The following WDR49 variants were observed in gnomAD, a reference collection of about 807,000 sequenced individuals.
WDR49 encodes the protein WD repeat domain 49.
In WDR49, 107 loss-of-function variants were observed where a neutral mutation model predicts 119.5. The ratio of observed to expected loss-of-function variants is 0.90; its 90% CI spans 0.77 to 1.05. The LOEUF is 1.05. Ranked by LOEUF, WDR49 falls within the 50% of genes least tolerant of loss-of-function variation. The probability of loss-of-function intolerance (pLI) is 0.00; values close to 1 mark genes in which losing one functional copy is unlikely to be tolerated. For missense variants in WDR49, 1,240 were observed against 1,220.5 expected (o/e 1.02, Z -0.24); for synonymous variants, 425 against 418.8 (o/e 1.01, Z -0.18).
intron 18 of WDR49, among the ~76,000 whole-genome samples, chr3:167,495,556 A>C (rs528057312): frequency 6.8e-6 from 1 of 147,074 alleles, no homozygotes; most frequent in East Asian, 1.9e-4. Context: ...TTTGTGATAT[A>C]ATTAAACAGT....
rs145881743 is a variant in WDR49 at position 167,548,855 on chromosome 3, A to T, written c.1823+5795T>A. ...TATCCCTCCCCTCTCCCTCCACCCC[A>T]CAACAGGCCCCAGTGTGTGATGTTC... On this transcript the variant is annotated intron_variant, in intron 10 of 18. Transcript: ENST00000682715. 7.2e-3 allele frequency among the ~76,000 whole-genome samples: 1,093 copies of T among 151,874 alleles called. 16 individuals carry two copies. Among genetic ancestry groups the T allele is most frequent in the African/African-American group, 0.025 (1,031 of 41,410 alleles).
intron 7 of WDR49, among the ~76,000 whole-genome samples, chr3:167,599,559 T>G (rs992942919): frequency 6.6e-6 from 1 of 152,192 alleles, no homozygotes; most frequent in Non-Finnish European, 1.5e-5. Flanking sequence ...ACCCGCTTGG[T>G]GCTCTATCTC....
chr3:167,579,613 G>A (rs1714434962), intron 7 of WDR49, among the ~76,000 whole-genome samples: 1 of 151,850 alleles, frequency 6.6e-6, no homozygotes, highest in African/African-American at 2.4e-5. Flanking sequence ...GGGTTTTCTT[G>A]CCAAAGATTT....
chr3:167,531,481 C>T (rs1448920264), intron 12 of WDR49, among the ~76,000 whole-genome samples: 2 of 152,066 alleles, frequency 1.3e-5, no homozygotes, highest in East Asian at 1.9e-4. Flanking sequence ...TTTTGTTTTT[C>T]ATGTTCCATA....
chr3:167,545,250 A>T (rs571035174), intron 10 of WDR49, among the ~76,000 whole-genome samples: 23 of 151,940 alleles, frequency 1.5e-4, no homozygotes, highest in African/African-American at 5.5e-4. Context: ...TGCTGGTGGT[A>T]ATGTAAACTA....
intron 2 of WDR49, chr3:167,633,361 C>A: frequency 2.3e-6 from 1 of 432,584 alleles, no homozygotes; most frequent in Non-Finnish European, 4.6e-6. Flanking sequence ...TCCTCAAAGG[C>A]ACAAATAGAA....
chr3:167,562,265 G>A (rs1213077398), intron 8 of WDR49, among the ~76,000 whole-genome samples: 1 of 152,138 alleles, frequency 6.6e-6, no homozygotes, highest in Non-Finnish European at 1.5e-5. Flanking sequence ...AACAAACTGG[G>A]GTTTTGGGAG....
At chr3:167,515,809 C>T (rs573458993) in intron 16 of WDR49, among the ~76,000 whole-genome samples, 33 of 152,234 alleles carry the variant, frequency 2.2e-4, no homozygotes, top group African/African-American at 7.2e-4. Context: ...AAACAATGTG[C>T]AAAAATCACA....
At chr3:167,582,137 G>A (rs1275112714) in intron 7 of WDR49, among the ~76,000 whole-genome samples, 1 of 151,418 alleles carries the variant, frequency 6.6e-6, no homozygotes, top group Admixed American at 6.6e-5. Flanking sequence ...CACACAAATG[G>A]ATAGCATACT....
chr3:167,536,782 G>T lies in WDR49; in HGVS notation c.1954+88C>A, dbSNP rs1036065789. The stretch of plus-strand genomic sequence containing the variant: ...ATATATATATATATAAAACAACTGA[G>T]AAAAAGCTTTTCTAAAGGTGAGTGA... On this transcript the variant is annotated intron_variant, in intron 11 of 18. Transcript: ENST00000682715. 10 of 1,125,512 alleles carry T rather than the reference G, an allele frequency of 8.9e-6. No homozygotes were observed. In the African/African-American group the frequency reaches 1.5e-4, roughly 17 times the overall value. 69.7% of individuals were successfully genotyped at this position (1,125,512 alleles called of 1,614,324 possible).
At chr3:167,484,937 C>A (rs192880713) in intron 18 of WDR49, among the ~76,000 whole-genome samples, 1 of 152,180 alleles carries the variant, frequency 6.6e-6, no homozygotes, top group Admixed American at 6.5e-5. Context: ...AGACTTGGAA[C>A]CAACCCAAAT....
intron 12 of WDR49, 40 bp from the exon 13 acceptor site, chr3:167,531,319 A>G (rs1475068941): frequency 1.9e-5 from 30 of 1,603,998 alleles, no homozygotes; most frequent in African/African-American, 4.0e-5. Context: ...ATGAAGAAAA[A>G]TATCTGCTTT....
chr3:167,515,718 T>C (rs1010509954), intron 16 of WDR49, among the ~76,000 whole-genome samples: 2 of 152,186 alleles, frequency 1.3e-5, no homozygotes, highest in African/African-American at 2.4e-5. Flanking sequence ...GCAGGTGACA[T>C]GATACTATAT....
Position 167,624,149 on chromosome 3 carries a change from C to T in WDR49, c.607-2506G>A, listed in dbSNP as rs1045091708. On this transcript the variant is annotated intron_variant, in intron 3 of 18. Transcript: ENST00000682715. ...AAACTATGCTTAACATTATTAGCTA[C>T]TAGGTAAATATGAATTAAAGCCACA... Among the ~76,000 whole-genome samples the T allele has an allele frequency of 4.6e-5, 7 of 151,806 alleles. No individual in the cohort carries two copies. In the East Asian group the frequency reaches 1.4e-3, roughly 29 times the overall value.
At chr3:167,581,194 T>C (rs1370254135) in intron 7 of WDR49, among the ~76,000 whole-genome samples, 1 of 152,186 alleles carries the variant, frequency 6.6e-6, no homozygotes, top group African/African-American at 2.4e-5. Flanking sequence ...TTTCAAATAA[T>C]GATAATGACA....
At chr3:167,614,555 T>A (rs1716508295) in intron 5 of WDR49, among the ~76,000 whole-genome samples, 1 of 152,186 alleles carries the variant, frequency 6.6e-6, no homozygotes, top group South Asian at 2.1e-4. Flanking sequence ...TTACAAGCAT[T>A]TCAGAATGTA....
intron 7 of WDR49, among the ~76,000 whole-genome samples, chr3:167,595,187 A>G (rs1715348199): frequency 6.6e-6 from 1 of 152,166 alleles, no homozygotes; most frequent in Admixed American, 6.5e-5. Flanking sequence ...CTTCAAGGAG[A>G]ACTACAAACC....
intron 16 of WDR49, among the ~76,000 whole-genome samples, chr3:167,518,388 G>C (rs557524976): frequency 4.3e-4 from 66 of 152,106 alleles, no homozygotes; most frequent in Non-Finnish European, 7.1e-4. Flanking sequence ...CATCCTCTCC[G>C]GCTCCTGTTG....
chr3:167,591,889 T>C (rs1206754843), intron 7 of WDR49, among the ~76,000 whole-genome samples: 1 of 152,170 alleles, frequency 6.6e-6, no homozygotes, highest in Non-Finnish European at 1.5e-5. Context: ...TCCATTAACA[T>C]TCAATGCTAT....
Sources: gnomAD v4.1 joint callset for allele counts (sites outside exome capture counted in the v4.1 genomes callset) on GRCh38, gnomAD v4.1.1 for gene constraint, MANE v1.5 for transcripts, NCBI Gene and HGNC (gene_info 2026-07-23, HGNC 2026-07-21) for gene names.